ECE1: variants seen among roughly 807,000 people sequenced by gnomAD.
The protein encoded by ECE1 is endothelin-converting enzyme 1.
Under a neutral mutation model 98.6 loss-of-function variants are expected in ECE1, and 35 were observed. The ratio of observed to expected loss-of-function variants is 0.35; its 90% CI spans 0.27 to 0.47. The LOEUF is 0.47. Ranked by LOEUF, ECE1 falls within the 20% of genes least tolerant of loss-of-function variation. The probability of loss-of-function intolerance (pLI) is 1.00; values close to 1 mark genes in which losing one functional copy is unlikely to be tolerated. For missense variants in ECE1, 814 were observed against 1,025.3 expected, an observed-to-expected ratio of 0.79 and a Z score of 2.81; for synonymous variants, 394 against 407.1, an observed-to-expected ratio of 0.97 and a Z score of 0.39.
At chr1:21,341,185 C>T (rs549662489) in intron 1 of ECE1, among the ~76,000 whole-genome samples, 20 of 152,304 alleles carry the variant, frequency 1.3e-4, no homozygotes, top group African/African-American at 4.6e-4. Flanking sequence ...ACAGTAATTG[C>T]GCTTGTAATT....
intron 8 of ECE1, among the ~76,000 whole-genome samples, chr1:21,249,819 G>A (rs900150852): frequency 3.3e-5 from 5 of 152,032 alleles, no homozygotes; most frequent in Non-Finnish European, 5.9e-5. Context: ...TGTTGCCCAC[G>A]CTGGAGTGCA....
chr1:21,335,538 G>GTTCA (rs1409906825), intron 1 of ECE1, among the ~76,000 whole-genome samples: 1 of 152,198 alleles, frequency 6.6e-6, no homozygotes, highest in Non-Finnish European at 1.5e-5. Context: ...GAATAGCAGG[G>GTTCA]TTCAGACCGA....
intron 7 of ECE1, 133 bp downstream of exon 7, chr1:21,257,392 G>T (rs753224726): frequency 1.0e-6 from 1 of 968,218 alleles, no homozygotes; most frequent in Admixed American, 2.0e-5. Flanking sequence ...GCCAGGGTCT[G>T]CCTGTTTCAC....
At chr1:21,259,608 T>A (rs1224181272) in intron 5 of ECE1, among the ~76,000 whole-genome samples, 1 of 152,070 alleles carries the variant, frequency 6.6e-6, no homozygotes, top group Non-Finnish European at 1.5e-5. Flanking sequence ...GGGACTAGCA[T>A]AGTCCCCAGC....
intron 3 of ECE1, among the ~76,000 whole-genome samples, chr1:21,274,173 G>A (rs1197013004): frequency 1.3e-5 from 2 of 152,242 alleles, no homozygotes; most frequent in Admixed American, 6.5e-5. Context: ...GGGAGTGAAC[G>A]GAACAAGGTC....
At chr1:21,279,143 C>T in intron 3 of ECE1, 48 bp downstream of exon 3, 7 of 1,613,850 alleles carry the variant, frequency 4.3e-6, no homozygotes, top group East Asian at 2.2e-5. Context: ...CTGACGGAGC[C>T]GGGTGCAGGA....
At chr1:21,265,205 C>A (rs1328303723) in intron 4 of ECE1, among the ~76,000 whole-genome samples, 1 of 152,180 alleles carries the variant, frequency 6.6e-6, no homozygotes, top group Non-Finnish European at 1.5e-5. Flanking sequence ...GAATGAATGA[C>A]AGAGAAACGT....
chr1:21,299,388 G>T (rs1638436642), intron 1 of ECE1: 1 of 153,458 alleles, frequency 6.5e-6, no homozygotes, highest in South Asian at 2.0e-4. Context: ...GAGAAAACAG[G>T]CTCAGAGAAG....
At chr1:21,226,896 T>G (rs1048910475) in intron 16 of ECE1, among the ~76,000 whole-genome samples, 2 of 152,124 alleles carry the variant, frequency 1.3e-5, no homozygotes, top group African/African-American at 2.4e-5. Flanking sequence ...CGGGTAATTT[T>G]TTTATTTTTA....
At chr1:21,263,063 G>A (rs756131453) in intron 4 of ECE1, among the ~76,000 whole-genome samples, 1 of 152,186 alleles carries the variant, frequency 6.6e-6, no homozygotes, top group Non-Finnish European at 1.5e-5. Flanking sequence ...GAGGGCGGGA[G>A]GAGACCAGGG....
intron 10 of ECE1, among the ~76,000 whole-genome samples, chr1:21,242,859 C>T (rs1483662265): frequency 6.6e-6 from 1 of 152,230 alleles, no homozygotes; most frequent in Non-Finnish European, 1.5e-5. Flanking sequence ...TAGCTCGCTG[C>T]AGCCTTAAAC....
At chr1:21,313,741 T>A (rs530362550) in intron 1 of ECE1, among the ~76,000 whole-genome samples, 99 of 152,236 alleles carry the variant, frequency 6.5e-4, no homozygotes, top group South Asian at 2.7e-3. Context: ...TGTGTTCTCA[T>A]CTATAAAATG....
chr1:21,264,069 GGAGTC>G (rs2103303682), intron 4 of ECE1, among the ~76,000 whole-genome samples: 2 of 152,272 alleles, frequency 1.3e-5, no homozygotes, highest in African/African-American at 4.8e-5. Context: ...AGTCAAGAAT[GGAGTC>G]AAGTTTCTTT....
At chr1:21,314,319 T>C (rs1480596656) in intron 1 of ECE1, among the ~76,000 whole-genome samples, 1 of 152,176 alleles carries the variant, frequency 6.6e-6, no homozygotes, top group Non-Finnish European at 1.5e-5. Context: ...CGCAGCCACA[T>C]TCCCAAACCC....
Position 21,245,002 on chromosome 1 carries a change from T to A in ECE1, c.1265A>T (p.Tyr422Phe). The A allele has an allele frequency of 6.2e-7, 1 of 1,614,164 alleles. No individual in the cohort carries two copies. Among genetic ancestry groups the A allele is most frequent in the Non-Finnish European group, 8.5e-7 (1 of 1,180,012 alleles). Residue 422 changes from tyrosine to phenylalanine, a missense_variant, in exon 10 of 19, where the codon TAC (tyrosine) becomes TTC (phenylalanine). Tyr to Phe is a conservative substitution (Grantham distance 22). This residue lies in a region of ECE1 where 452 missense variants were observed against 567.3 expected (regional missense o/e 0.80). Coordinates refer to ENST00000374893, the MANE Select transcript of ECE1 (RefSeq NM_001397.3). ...DADEKFMEVM[Y>F]GTKKTCLPRW... is the part of the protein sequence containing the mutation. ...TAGCAGGCTCACCTTCTTGGTCCCG[T>A]ACATGACTTCCATGAACTTCTCATC...
At chr1:21,326,083 C>T (rs1639073772) in intron 1 of ECE1, among the ~76,000 whole-genome samples, 1 of 152,060 alleles carries the variant, frequency 6.6e-6, no homozygotes, top group African/African-American at 2.4e-5. Context: ...GGGGGCTGGG[C>T]CTGGACCTAT....
chr1:21,236,644 T>C (rs1459266744), intron 12 of ECE1, 102 bp downstream of exon 12: 2 of 1,166,898 alleles, frequency 1.7e-6, no homozygotes, highest in Non-Finnish European at 1.3e-6. Flanking sequence ...AACGAAACTC[T>C]GCCTCAAAAA....
At chr1:21,264,309 T>G (rs1212628344) in intron 4 of ECE1, among the ~76,000 whole-genome samples, 4 of 71,308 alleles carry the variant, frequency 5.6e-5, no homozygotes, top group African/African-American at 1.7e-4. Flanking sequence ...ATATACCAAT[T>G]CCCCCCCCCC....
intron 2 of ECE1, among the ~76,000 whole-genome samples, chr1:21,285,919 G>A (rs1453310381): frequency 6.6e-6 from 1 of 150,808 alleles, no homozygotes; most frequent in Non-Finnish European, 1.5e-5. Flanking sequence ...TTGAACCCAG[G>A]AGGTGGAGGT....
Sources: allele counts gnomAD v4.1 joint callset (sites outside exome capture counted in the v4.1 genomes callset), GRCh38; gene constraint gnomAD v4.1.1; regional missense constraint gnomAD v4.1.1; transcripts MANE v1.5; gene names NCBI Gene and HGNC (gene_info 2026-07-23, HGNC 2026-07-21).